The following SASH1 variants were observed in gnomAD, a reference collection of about 807,000 sequenced individuals.
SASH1 encodes the protein SAM and SH3 domain containing 1, also known as SAM and SH3 domain-containing protein 1.
Under a neutral mutation model 125.2 loss-of-function variants are expected in SASH1, and 44 were observed. The observed-to-expected ratio is 0.35, with a 90% CI of 0.28 to 0.45. The LOEUF is 0.45. Among genes scored for constraint, SASH1 ranks in the 20% least tolerant of loss-of-function variants. The pLI is 1.00. For synonymous variants in SASH1, 639 were observed against 649.1 expected (o/e 0.98, Z 0.24); for missense variants, 1,426 against 1,614.5 (o/e 0.88, Z 2.00).
At chr6:148,538,102 A>T (rs1167052486) in intron 16 of SASH1, among the ~76,000 whole-genome samples, 1 of 152,152 alleles carries the variant, frequency 6.6e-6, no homozygotes, top group Non-Finnish European at 1.5e-5. Context: ...TAATGAAGAC[A>T]GCGATTCTAG....
chr6:148,269,549 A>G (rs1201995291), upstream of SASH1, among the ~76,000 whole-genome samples: 1 of 151,844 alleles, frequency 6.6e-6, no homozygotes, highest in African/African-American at 2.4e-5. Flanking sequence ...ACCACCCCCA[A>G]CTAGTTTGTT....
At chr6:148,499,911 T>C (rs1180595379) in intron 8 of SASH1, among the ~76,000 whole-genome samples, 1 of 152,168 alleles carries the variant, frequency 6.6e-6, no homozygotes, top group Non-Finnish European at 1.5e-5. Context: ...ATTTATATAA[T>C]TTATGTTTTT....
chr6:148,454,403 G>A (rs1777241881), intron 4 of SASH1, among the ~76,000 whole-genome samples: 1 of 152,214 alleles, frequency 6.6e-6, no homozygotes, highest in African/African-American at 2.4e-5. Context: ...GGCTAACCTG[G>A]AACTATGCAA....
the SASH1 span, among the ~76,000 whole-genome samples, chr6:148,256,238 T>G: frequency 6.6e-6 from 1 of 152,230 alleles, no homozygotes; most frequent in Non-Finnish European, 1.5e-5. Flanking sequence ...TTAATCATGG[T>G]TCACATACTC....
chr6:148,507,409 C>T (rs1214518541), intron 8 of SASH1, among the ~76,000 whole-genome samples: 2 of 150,260 alleles, frequency 1.3e-5, no homozygotes, highest in South Asian at 2.1e-4. Context: ...CTCGCTCTGT[C>T]GCCCAAGCTG....
Position 148,519,848 on chromosome 6 carries a change from C to A in SASH1, c.1164C>A (p.Leu388=). ...AGGCCCAGAAAGTGTCCCGCTCCCTCACCGAGGGGGAGATGAAGAAGGGTC... is the reference window on the plus strand; with the variant it reads ...AGGCCCAGAAAGTGTCCCGCTCCCTAACCGAGGGGGAGATGAAGAAGGGTC... ...EEKAQKVSRS[L]TEGEMKKGLG... is the part of the protein sequence containing the mutation. Residue 388 remains leucine, a synonymous_variant, in exon 10 of 20, where the codon CTC becomes CTA. Transcript: ENST00000367467. The surrounding 1 kb of genome is among the most constrained non-coding windows in gnomAD (Gnocchi z 4.8). The A allele has an allele frequency of 6.2e-7, 1 of 1,604,924 alleles. No homozygotes were observed. Among genetic ancestry groups the A allele is most frequent in the East Asian group, 2.3e-5 (1 of 44,432 alleles).
chr6:148,284,131 T>A (rs1314022659), intron 1 of SASH1, among the ~76,000 whole-genome samples: 1 of 152,098 alleles, frequency 6.6e-6, no homozygotes, highest in African/African-American at 2.4e-5. Flanking sequence ...ATTTTACAAT[T>A]TTTTTATTAT....
chr6:148,416,841 T>C (rs558763932), intron 2 of SASH1, among the ~76,000 whole-genome samples: 13 of 152,186 alleles, frequency 8.5e-5, no homozygotes, highest in Non-Finnish European at 1.8e-4. Context: ...GAGCAGAAAT[T>C]TGCAGGAGAG....
chr6:148,337,018 C>T (rs1322424325), intron 1 of SASH1, among the ~76,000 whole-genome samples: 1 of 152,120 alleles, frequency 6.6e-6, no homozygotes, highest in Non-Finnish European at 1.5e-5. Flanking sequence ...AGACTAATGG[C>T]TTTTAAACTT....
intron 1 of SASH1, among the ~76,000 whole-genome samples, chr6:148,303,873 C>A (rs1490770861): frequency 6.6e-6 from 1 of 151,850 alleles, no homozygotes; most frequent in Non-Finnish European, 1.5e-5. Context: ...GAAGAAATAA[C>A]AAGGAATATT....
chr6:148,199,866 A>T, the SASH1 span, among the ~76,000 whole-genome samples: 1 of 152,158 alleles, frequency 6.6e-6, no homozygotes, highest in Non-Finnish European at 1.5e-5. Flanking sequence ...GAAAGAAAAG[A>T]GAAGGCAACC....
the SASH1 span, among the ~76,000 whole-genome samples, chr6:148,243,475 A>C: frequency 1.4e-5 from 2 of 144,940 alleles, no homozygotes; most frequent in Non-Finnish European, 3.0e-5. Flanking sequence ...TAATAATAAT[A>C]ATAATAGTAA....
At chr6:148,244,473 A>G in the SASH1 span, among the ~76,000 whole-genome samples, 2 of 152,190 alleles carry the variant, frequency 1.3e-5, no homozygotes, top group Non-Finnish European at 2.9e-5. Context: ...ACGTTGTTTT[A>G]TTATAAAGGG....
At chr6:148,385,165 C>T (rs970962534) in intron 1 of SASH1, among the ~76,000 whole-genome samples, 1 of 152,144 alleles carries the variant, frequency 6.6e-6, no homozygotes, top group Non-Finnish European at 1.5e-5. Context: ...CTGTGCCACC[C>T]TTTTCTAATT....
chr6:148,387,685 T>C (rs1249957678), intron 1 of SASH1, among the ~76,000 whole-genome samples: 1 of 129,046 alleles, frequency 7.7e-6, no homozygotes, highest in Admixed American at 8.6e-5. Flanking sequence ...TCTTTCTTTC[T>C]TTCTTTCGGC....
chr6:148,540,652 C>A, intron 17 of SASH1, 96 bp downstream of exon 17: 2 of 899,414 alleles, frequency 2.2e-6, no homozygotes, highest in Non-Finnish European at 3.6e-6. Context: ...CTGTCATGAA[C>A]TCAGCAATCA....
intron 2 of SASH1, among the ~76,000 whole-genome samples, chr6:148,421,224 AAAG>A (rs1170127755): frequency 2.6e-5 from 4 of 151,666 alleles, no homozygotes; most frequent in African/African-American, 2.4e-5. Context: ...AAAAAGAAAG[AAAG>A]AAGGAAGTGA....
the SASH1 span, among the ~76,000 whole-genome samples, chr6:148,234,967 G>C: frequency 3.3e-5 from 5 of 152,308 alleles, no homozygotes; most frequent in Middle Eastern, 3.4e-3. Flanking sequence ...TCTGTGGGCT[G>C]TCTTCGGTCC....
chr6:148,253,980 C>A, the SASH1 span, among the ~76,000 whole-genome samples: 2 of 151,876 alleles, frequency 1.3e-5, no homozygotes. Context: ...TCAAGGTGGG[C>A]GGATCACCTG....
Sources: allele counts gnomAD v4.1 joint callset (sites outside exome capture counted in the v4.1 genomes callset), GRCh38; gene constraint gnomAD v4.1.1; non-coding constraint Gnocchi (gnomAD v3.1); transcripts MANE v1.5; gene names NCBI Gene and HGNC (gene_info 2026-07-23, HGNC 2026-07-21).